The following FAT3 variants were observed in gnomAD, a reference collection of about 807,000 sequenced individuals.
The protein encoded by FAT3 is FAT atypical cadherin 3, also known as protocadherin Fat 3.
FAT3 carries 95 observed loss-of-function variants against 310.2 expected under a neutral mutation model. The observed-to-expected ratio is 0.31, with a 90% CI of 0.26 to 0.36. The LOEUF (loss-of-function observed/expected upper bound fraction) is 0.36. Ranked by LOEUF, FAT3 falls within the 10% of genes least tolerant of loss-of-function variation. FAT3 has a pLI of 1.00. For missense variants in FAT3, 5,408 were observed against 5,715.6 expected (o/e 0.95, Z 1.74); for synonymous variants, 2,314 against 2,192.9 (o/e 1.06, Z -1.54).
intron 3 of FAT3, among the ~76,000 whole-genome samples, chr11:92,608,862 C>T (rs1940430038): frequency 6.6e-6 from 1 of 152,110 alleles, no homozygotes; most frequent in South Asian, 2.1e-4. Context: ...TTGAGAACCT[C>T]CCTTTGCAGG....
In FAT3 at chr11:92,885,110, T is replaced by A. The variant is rs1025950405; in HGVS notation, c.12937+1717T>A. ...TAAAATAGATGTATAGTGAGCCTGATGACGAGAGGAGTCAGCATCTCAAGA... is the reference window on the plus strand; with the variant it reads ...TAAAATAGATGTATAGTGAGCCTGAAGACGAGAGGAGTCAGCATCTCAAGA... On this transcript the variant is annotated intron_variant, in intron 24 of 27. Coordinates refer to ENST00000525166, the MANE Select transcript of FAT3 (RefSeq NM_001367949.2). Among the ~76,000 whole-genome samples the A allele has an allele frequency of 2.0e-5, 3 of 152,178 alleles. No individual in the cohort carries two copies. In the East Asian group the frequency reaches 5.8e-4, roughly 29 times the overall value.
chr11:92,367,309 G>T, intron 2 of FAT3: 1 of 208,460 alleles, frequency 4.8e-6, no homozygotes, highest in Non-Finnish European at 9.8e-6. Context: ...AGAACTGGTA[G>T]TAGAGGCTGG....
chr11:92,334,961 G>A (rs1347819028), intron 1 of FAT3, among the ~76,000 whole-genome samples: 1 of 152,168 alleles, frequency 6.6e-6, no homozygotes, highest in East Asian at 1.9e-4. Context: ...ATCCAGAAGG[G>A]ACTGGTGTCA....
chr11:92,707,642 G>T lies in FAT3; in HGVS notation c.3669+10197G>T, dbSNP rs183012386. On this transcript the variant is annotated intron_variant, in intron 4 of 27. Coordinates refer to ENST00000525166, the MANE Select transcript of FAT3 (RefSeq NM_001367949.2). ...AGGAGCCCAGACTGGCTTCTTCCCC[G>T]TAGTGCAATGATGGTAAATTGACTC... Among the ~76,000 whole-genome samples the T allele has an allele frequency of 2.6e-5, 4 of 152,214 alleles. No homozygotes were observed. In the East Asian group the frequency reaches 7.7e-4, roughly 29 times the overall value.
At chr11:92,499,011 ACTG>A (rs1270830149) in intron 2 of FAT3, 3 of 151,818 alleles carry the variant, frequency 2.0e-5, no homozygotes, top group Non-Finnish European at 4.4e-5. Flanking sequence ...AGAGATGTAA[ACTG>A]CTATTCCTTT....
chr11:92,700,259 T>C (rs541359919), intron 4 of FAT3, among the ~76,000 whole-genome samples: 3 of 151,634 alleles, frequency 2.0e-5, no homozygotes, highest in South Asian at 4.2e-4. Flanking sequence ...TGATGAAGAG[T>C]GTAAAGGCAG....
rs763131522 is a variant in FAT3, at chr11:92,354,153, T to A, written c.2041T>A (p.Phe681Ile). 1.2e-6 allele frequency: 2 copies of A among 1,613,854 alleles called. No individual in the cohort carries two copies. Among genetic ancestry groups the A allele is most frequent in the Non-Finnish European group, 1.7e-6 (2 of 1,179,844 alleles). ...ACATGGGAAAGTGTCTTCAAAGAGCTTCAGTTGCAGAGAAACTCGTGTGGC... is the reference window on the plus strand; with the variant it reads ...ACATGGGAAAGTGTCTTCAAAGAGCATCAGTTGCAGAGAAACTCGTGTGGC... ...VLHGKVSSKS[F>I]SCRETRVAQK... The change falls in exon 2 of 28, where the codon TTC becomes ATC. Residue 681 changes from phenylalanine to isoleucine, a missense_variant. Around this residue, in one of 5 missense-constraint regions of FAT3, gnomAD observed 4,588 missense variants for 4,809.8 expected, o/e 0.95. Coordinates refer to ENST00000525166, the MANE Select transcript of FAT3 (RefSeq NM_001367949.2).
intron 1 of FAT3, among the ~76,000 whole-genome samples, chr11:92,251,410 A>G (rs570076739): frequency 1.1e-4 from 17 of 152,174 alleles, no homozygotes; most frequent in East Asian, 3.9e-4. Flanking sequence ...AGGAATATTT[A>G]GAATGTGACA....
At chr11:92,263,899 A>G (rs780254454) in intron 1 of FAT3, among the ~76,000 whole-genome samples, 24 of 152,096 alleles carry the variant, frequency 1.6e-4, no homozygotes, top group Non-Finnish European at 2.8e-4. Flanking sequence ...AAGAAAGCTG[A>G]CATATACTGA....
chr11:92,336,311 C>T, intron 1 of FAT3: 1 of 460,244 alleles, frequency 2.2e-6, no homozygotes, highest in South Asian at 1.8e-5. Context: ...AGTTTTTGTC[C>T]TCAGGATCTG....
At chr11:92,737,370 A>G (rs927878788) in intron 4 of FAT3, among the ~76,000 whole-genome samples, 2 of 152,066 alleles carry the variant, frequency 1.3e-5, no homozygotes, top group Admixed American at 1.3e-4. Context: ...AGCAAAGAGA[A>G]TTTTCTTCTA....
intron 1 of FAT3, among the ~76,000 whole-genome samples, chr11:92,338,623 G>A (rs1247614273): frequency 6.6e-6 from 1 of 152,110 alleles, no homozygotes; most frequent in East Asian, 1.9e-4. Flanking sequence ...CCTCTGGAGA[G>A]GTGGCCCTAT....
At chr11:92,643,191 A>G (rs1264287050) in intron 3 of FAT3, among the ~76,000 whole-genome samples, 1 of 152,164 alleles carries the variant, frequency 6.6e-6, no homozygotes, top group East Asian at 1.9e-4. Context: ...CTATTACATC[A>G]GGTTGCAAAT....
intron 1 of FAT3, among the ~76,000 whole-genome samples, chr11:92,326,819 G>A (rs1490610229): frequency 1.3e-5 from 2 of 152,168 alleles, no homozygotes; most frequent in African/African-American, 2.4e-5. Flanking sequence ...TCAAGACTTA[G>A]AAATAGGGAC....
At chr11:92,341,478 C>T (rs891980714) in intron 1 of FAT3, among the ~76,000 whole-genome samples, 7 of 152,014 alleles carry the variant, frequency 4.6e-5, no homozygotes, top group Non-Finnish European at 8.8e-5. Context: ...ACGGGAGAGC[C>T]GAAGGAACAA....
At chr11:92,644,262 T>C (rs1034343401) in intron 3 of FAT3, among the ~76,000 whole-genome samples, 1 of 152,248 alleles carries the variant, frequency 6.6e-6, no homozygotes, top group Non-Finnish European at 1.5e-5. Context: ...TCATGGGTTT[T>C]CTCTCTATCA....
chr11:92,885,114 G>A (rs1384672298), intron 24 of FAT3, among the ~76,000 whole-genome samples: 2 of 152,216 alleles, frequency 1.3e-5, no homozygotes, highest in African/African-American at 2.4e-5. Flanking sequence ...GCCTGATGAC[G>A]AGAGGAGTCA....
chr11:92,378,116 G>A (rs72970576), intron 2 of FAT3, among the ~76,000 whole-genome samples: 4,975 of 152,178 alleles, frequency 0.033, 103 homozygotes, highest in African/African-American at 0.044. Context: ...TTTAAATAAT[G>A]TTCACTGTGT....
chr11:92,809,185 G>A (rs192069308), intron 12 of FAT3, among the ~76,000 whole-genome samples: 5 of 152,182 alleles, frequency 3.3e-5, no homozygotes, highest in South Asian at 4.2e-4. Flanking sequence ...TACTCCACGC[G>A]GGATGCTAAG....
Sources: allele counts gnomAD v4.1 joint callset (sites outside exome capture counted in the v4.1 genomes callset), GRCh38; gene constraint gnomAD v4.1.1; regional missense constraint gnomAD v4.1.1; transcripts MANE v1.5; gene names NCBI Gene and HGNC (gene_info 2026-07-23, HGNC 2026-07-21).